The following SSU72L6 variants were observed in gnomAD, a reference collection of about 807,000 sequenced individuals.
The protein encoded by SSU72L6 is SSU72 like 6, also known as RNA polymerase II subunit A C-terminal domain phosphatase SSU72 like protein 6.
chr7:124,477,060 G>A, the SSU72L6 span: 5 of 608,642 alleles, frequency 8.2e-6, no homozygotes, highest in East Asian at 1.4e-4. Flanking sequence ...ACTGAGTGCT[G>A]TTTGTATTAC....
At chr7:124,477,623 T>C in the SSU72L6 span, among the ~76,000 whole-genome samples, 1 of 147,090 alleles carries the variant, frequency 6.8e-6, no homozygotes, top group Admixed American at 6.9e-5. Flanking sequence ...GGTCATCAAA[T>C]TAAATGAAAT....
At chr7:124,476,832 C>A in the SSU72L6 span, 1 of 771,352 alleles carries the variant, frequency 1.3e-6, no homozygotes, top group South Asian at 1.3e-5. Context: ...GAGCTTTCCT[C>A]ATCTGTGAGA....
the SSU72L6 span, chr7:124,476,984 C>A: frequency 1.4e-6 from 1 of 699,126 alleles, no homozygotes; most frequent in South Asian, 1.5e-5. Flanking sequence ...TCTCCTTCCT[C>A]GGTAAGAACT....
chr7:124,476,868 C>T, the SSU72L6 span: 212 of 766,012 alleles, frequency 2.8e-4, 1 homozygote, highest in Non-Finnish European at 2.7e-4. Flanking sequence ...AGCAGTCCGA[C>T]GACATGGAAG....
the SSU72L6 span, chr7:124,476,536 G>A: frequency 5.1e-6 from 4 of 780,668 alleles, no homozygotes; most frequent in South Asian, 4.0e-5. Context: ...TGTAGTTTAC[G>A]ATTTTGCAAC....
At chr7:124,476,732 A>C in the SSU72L6 span, 1 of 780,658 alleles carries the variant, frequency 1.3e-6, no homozygotes, top group African/African-American at 1.7e-5. Flanking sequence ...ACAGTGGTGG[A>C]AGATCTGTGT....
At chr7:124,476,683 T>G in the SSU72L6 span, 5 of 780,732 alleles carry the variant, frequency 6.4e-6, no homozygotes, top group Non-Finnish European at 1.2e-5. Context: ...CACTGAATTC[T>G]TTGATGTCAT....
the SSU72L6 span, chr7:124,476,618 A>G: frequency 1.3e-6 from 1 of 780,710 alleles, no homozygotes; most frequent in Non-Finnish European, 2.4e-6. Context: ...GGAATCTTAC[A>G]CATCTTGGGA....
the SSU72L6 span, chr7:124,477,099 A>G: frequency 3.4e-6 from 2 of 593,310 alleles, no homozygotes; most frequent in Non-Finnish European, 3.0e-6. Context: ...GAAAGAGACT[A>G]TTACCAAGAA....
chr7:124,476,601 C>T, the SSU72L6 span: 84 of 780,638 alleles, frequency 1.1e-4, no homozygotes, highest in Admixed American at 2.5e-4. Context: ...AATGCTACAC[C>T]CACAATGGAA....
the SSU72L6 span, chr7:124,476,493 T>C: frequency 5.1e-6 from 4 of 780,572 alleles, no homozygotes; most frequent in African/African-American, 3.4e-5. Context: ...CTGAATCTCA[T>C]GTGAGGCTAC....
chr7:124,476,902 C>G, the SSU72L6 span: 1 of 764,398 alleles, frequency 1.3e-6, no homozygotes, highest in South Asian at 1.3e-5. Flanking sequence ...GCTGCTGTTG[C>G]AAATGGAGGA....
chr7:124,477,379 G>GT, the SSU72L6 span, among the ~76,000 whole-genome samples: 101 of 148,454 alleles, frequency 6.8e-4, no homozygotes, highest in South Asian at 6.5e-3. Context: ...AATTTGAGTG[G>GT]TTTTTTTTTT....
chr7:124,476,962 G>A, the SSU72L6 span: 1 of 737,406 alleles, frequency 1.4e-6, no homozygotes, highest in Middle Eastern at 3.7e-4. Flanking sequence ...CTGAAGATCT[G>A]GGCTGGCTTT....
chr7:124,477,141 G>C, the SSU72L6 span, among the ~76,000 whole-genome samples: 1 of 152,156 alleles, frequency 6.6e-6, no homozygotes, highest in Admixed American at 6.5e-5. Flanking sequence ...AGGACTAACA[G>C]TTTTAAAAGC....
chr7:124,476,997 G>A, the SSU72L6 span: 2 of 675,894 alleles, frequency 3.0e-6, no homozygotes, highest in Non-Finnish European at 5.3e-6. Flanking sequence ...TAAGAACTTA[G>A]GCATGGGACT....
At chr7:124,477,307 G>T in the SSU72L6 span, among the ~76,000 whole-genome samples, 3 of 151,952 alleles carry the variant, frequency 2.0e-5, no homozygotes, top group Admixed American at 6.6e-5. Context: ...TTTGTTTAAG[G>T]GTATTCAGCA....
At chr7:124,476,984 CG>C in the SSU72L6 span, 1 of 699,130 alleles carries the variant, frequency 1.4e-6, no homozygotes, top group Non-Finnish European at 2.6e-6. Context: ...TCTCCTTCCT[CG>C]GTAAGAACTT....
the SSU72L6 span, chr7:124,476,980 T>C: frequency 2.3e-5 from 16 of 706,220 alleles, no homozygotes; most frequent in South Asian, 2.4e-4. Flanking sequence ...TTTGTCTCCT[T>C]CCTCGGTAAG....
Sources: gnomAD v4.1 joint callset for allele counts (sites outside exome capture counted in the v4.1 genomes callset) on GRCh38, gnomAD v4.1.1 for gene constraint, MANE v1.5 for transcripts, NCBI Gene and HGNC (gene_info 2026-07-23, HGNC 2026-07-21) for gene names.